Variants in PDE3B observed in about 807,000 individuals in gnomAD.
The protein encoded by PDE3B is phosphodiesterase 3B, also known as cGMP-inhibited 3',5'-cyclic phosphodiesterase 3B.
Under a neutral mutation model 116.8 loss-of-function variants are expected in PDE3B, and 66 were observed. That is an observed-to-expected ratio of 0.56 (90% confidence interval 0.46 to 0.69). PDE3B has a LOEUF of 0.69. PDE3B is among the 30% of genes least tolerant of loss of function. The pLI is 0.00. For synonymous variants in PDE3B, 595 were observed against 533.6 expected (o/e 1.12, Z -1.59); for missense variants, 1,384 against 1,368.1 (o/e 1.01, Z -0.18).
intron 1 of PDE3B, among the ~76,000 whole-genome samples, chr11:14,750,196 A>G (rs900633960): frequency 6.6e-6 from 1 of 151,828 alleles, no homozygotes; most frequent in Non-Finnish European, 1.5e-5. Flanking sequence ...ACTGCTTCAA[A>G]TGTTAATCTC....
intron 12 of PDE3B, among the ~76,000 whole-genome samples, chr11:14,850,190 G>C (rs2133981272): frequency 6.6e-6 from 1 of 152,094 alleles, no homozygotes; most frequent in Non-Finnish European, 1.5e-5. Flanking sequence ...CCTTTGTAGG[G>C]ACATGGATGA....
rs554188140 is a variant in PDE3B, at chr11:14,750,103, C to T, written c.979-21834C>T. Among the ~76,000 whole-genome samples the T allele has an allele frequency of 2.0e-3, 301 of 151,238 alleles. 3 individuals are homozygous for T. The highest frequency in any genetic ancestry group is 7.0e-3 in the African/African-American group (288 of 41,174). On this transcript the variant is annotated intron_variant, in intron 1 of 15. Transcript: ENST00000282096. ...TCAAGCTGTCAGGCAGGAAGAATTC[C>T]TCCTATTCAGCCTTTTGGTTCTATT...
At chr11:14,809,036 A>G (rs1859039160) in intron 5 of PDE3B, among the ~76,000 whole-genome samples, 1 of 152,196 alleles carries the variant, frequency 6.6e-6, no homozygotes, top group South Asian at 2.1e-4. Flanking sequence ...GAGTCCCAGA[A>G]TAGCCAAAAC....
rs1215664303 is a variant in PDE3B, at chr11:14,772,124, A to G, written c.1029+137A>G. 1.6e-4 allele frequency: 77 copies of G among 471,516 alleles called. No homozygotes were observed. The East Asian group carries it at 2.8e-3, about 17-fold the overall frequency. 29.2% of individuals were successfully genotyped at this position (471,516 alleles called of 1,614,324 possible). On this transcript the variant is annotated intron_variant, in intron 2 of 15. Transcript: ENST00000282096. The stretch of plus-strand genomic sequence containing the variant: ...CATAAGATTTTCTTTAACTAAACTA[A>G]TAAGTTAACTAGAACCTTCATTGAG...
At chr11:14,887,461 G>C in the PDE3B span, 1 of 398,440 alleles carries the variant, frequency 2.5e-6, no homozygotes. Flanking sequence ...TTTGGTAAAG[G>C]TGTGTGACTC....
chr11:14,730,364 T>G (rs1856425106), intron 1 of PDE3B, among the ~76,000 whole-genome samples: 1 of 152,214 alleles, frequency 6.6e-6, no homozygotes, highest in African/African-American at 2.4e-5. Context: ...GGTAGGTAAT[T>G]TCTAAGTGTA....
chr11:14,664,985 T>C (rs1416120467), intron 1 of PDE3B, among the ~76,000 whole-genome samples: 1 of 152,188 alleles, frequency 6.6e-6, no homozygotes, highest in African/African-American at 2.4e-5. Context: ...TTTAGACCAA[T>C]ATCCTTGATG....
chr11:14,677,638 A>G (rs952228990), intron 1 of PDE3B, among the ~76,000 whole-genome samples: 3 of 152,200 alleles, frequency 2.0e-5, no homozygotes, highest in East Asian at 3.8e-4. Context: ...CATTCAGGAC[A>G]TAGAGTTGTC....
chr11:14,888,767 C>G, the PDE3B span, among the ~76,000 whole-genome samples: 1 of 152,178 alleles, frequency 6.6e-6, no homozygotes, highest in Non-Finnish European at 1.5e-5. Context: ...TCATTCAGTG[C>G]TGTGCATAAA....
At chr11:14,754,480 C>A (rs186446240) in intron 1 of PDE3B, among the ~76,000 whole-genome samples, 1 of 151,728 alleles carries the variant, frequency 6.6e-6, no homozygotes, top group Non-Finnish European at 1.5e-5. Context: ...ATGTTATAAA[C>A]GACATTACTT....
chr11:14,831,313 C>T (rs1859876410), intron 8 of PDE3B, among the ~76,000 whole-genome samples: 1 of 150,938 alleles, frequency 6.6e-6, no homozygotes, highest in Non-Finnish European at 1.5e-5. Context: ...GTTTTTTTTC[C>T]TCTTACCCTT....
At chr11:14,745,083 C>G (rs1014001880) in intron 1 of PDE3B, among the ~76,000 whole-genome samples, 9 of 152,114 alleles carry the variant, frequency 5.9e-5, no homozygotes, top group Admixed American at 1.3e-4. Flanking sequence ...CCTCGGCCTC[C>G]CAAAGCACTG....
chr11:14,873,696 A>G (rs1249616402), downstream of PDE3B, among the ~76,000 whole-genome samples: 1 of 152,238 alleles, frequency 6.6e-6, no homozygotes, highest in Non-Finnish European at 1.5e-5. Flanking sequence ...GATAGGGGCT[A>G]CAAGTATGGA....
intron 5 of PDE3B, among the ~76,000 whole-genome samples, chr11:14,805,762 A>G (rs930883573): frequency 3.3e-5 from 5 of 152,242 alleles, no homozygotes; most frequent in African/African-American, 1.2e-4. Context: ...AGAACAAACC[A>G]AAAGCACTGG....
At chr11:14,888,421 T>C in the PDE3B span, among the ~76,000 whole-genome samples, 2 of 152,212 alleles carry the variant, frequency 1.3e-5, no homozygotes, top group Non-Finnish European at 2.9e-5. Context: ...AACAGACAAA[T>C]GTGCAAAGTG....
chr11:14,664,832 A>G (rs1047900811), intron 1 of PDE3B, among the ~76,000 whole-genome samples: 4 of 152,246 alleles, frequency 2.6e-5, no homozygotes, highest in Non-Finnish European at 5.9e-5. Context: ...GAATTATACC[A>G]GAGGTACAAG....
intron 1 of PDE3B, among the ~76,000 whole-genome samples, chr11:14,757,930 G>A (rs1857242550): frequency 6.6e-6 from 1 of 150,636 alleles, no homozygotes; most frequent in Non-Finnish European, 1.5e-5. Flanking sequence ...GGTTTTTATG[G>A]TTTTAGGTCT....
chr11:14,708,452 A>G (rs1855598266), intron 1 of PDE3B, among the ~76,000 whole-genome samples: 1 of 152,150 alleles, frequency 6.6e-6, no homozygotes, highest in Admixed American at 6.6e-5. Flanking sequence ...TATTATAAAT[A>G]TATATAAGTA....
At chr11:14,863,386 ACT>A (rs547455713) in intron 14 of PDE3B, among the ~76,000 whole-genome samples, 15 of 152,256 alleles carry the variant, frequency 9.9e-5, no homozygotes, top group African/African-American at 1.4e-4. Context: ...CGCCATTCCA[ACT>A]GGCATAAGAG....
Sources: allele counts gnomAD v4.1 joint callset (sites outside exome capture counted in the v4.1 genomes callset), GRCh38; gene constraint gnomAD v4.1.1; transcripts MANE v1.5; gene names NCBI Gene and HGNC (gene_info 2026-07-23, HGNC 2026-07-21).